Variants in RAB2A observed in about 807,000 individuals in gnomAD.
RAB2A encodes the protein RAB2A, member RAS oncogene family.
RAB2A carries 7 observed loss-of-function variants against 32.5 expected under a neutral mutation model. That is an observed-to-expected ratio of 0.22 (90% CI 0.12 to 0.40). The LOEUF (loss-of-function observed/expected upper bound fraction) is 0.40, where lower values mean the gene tolerates loss of function less well. Among genes scored for constraint, RAB2A ranks in the 10% least tolerant of loss-of-function variants. The probability of loss-of-function intolerance (pLI) is 1.00; values close to 1 mark genes in which losing one functional copy is unlikely to be tolerated. For synonymous variants in RAB2A, 79 were observed against 85.2 expected, an observed-to-expected ratio of 0.93 and a Z score of 0.40; for missense variants, 108 against 260.7, an observed-to-expected ratio of 0.41 and a Z score of 4.03.
chr8:60,523,835 C>T (rs1253846734), intron 1 of RAB2A, among the ~76,000 whole-genome samples: 2 of 151,960 alleles, frequency 1.3e-5, no homozygotes, highest in South Asian at 2.1e-4. Flanking sequence ...GGACTACAGG[C>T]GCCCATGACC....
At position 60,621,899 on chromosome 8, in the gene RAB2A, GTAAT is replaced by G. The variant is rs1804535212; in HGVS notation, c.*1132_*1135del. On this transcript the variant is annotated 3_prime_UTR_variant, in exon 8 of 8. Transcript: ENST00000262646. ...CCTGTTACAAAGTAGAAAAGCTTTA[GTAAT>G]TTACTCAGTGTGGTGGTTTTATCCT... is the stretch of plus-strand genomic sequence containing the variant. 5 of 152,142 alleles carry G rather than the reference GTAAT, an allele frequency of 3.3e-5. No homozygotes were observed. The highest frequency in any genetic ancestry group is 5.9e-5 in the Non-Finnish European group (4 of 68,020). The allele number at this position is 152,142 out of a possible 1,614,324, so 9.4% of individuals were successfully genotyped here.
At chr8:60,569,376 G>T (rs1017702378) in intron 2 of RAB2A, among the ~76,000 whole-genome samples, 1 of 152,092 alleles carries the variant, frequency 6.6e-6, no homozygotes, top group Non-Finnish European at 1.5e-5. Context: ...ATTGTATTAT[G>T]ACATATTCCT....
At chr8:60,555,312 A>G (rs2130828368) in intron 1 of RAB2A, among the ~76,000 whole-genome samples, 1 of 152,338 alleles carries the variant, frequency 6.6e-6, no homozygotes, top group South Asian at 2.1e-4. Context: ...CAAGGCAAAG[A>G]TATTATGGAT....
At chr8:60,602,956 A>C (rs529902226) in intron 6 of RAB2A, among the ~76,000 whole-genome samples, 1 of 152,304 alleles carries the variant, frequency 6.6e-6, no homozygotes, top group South Asian at 2.1e-4. Context: ...ATCTATCCTC[A>C]GCTTGCTCTC....
intron 6 of RAB2A, among the ~76,000 whole-genome samples, chr8:60,608,492 T>TCCTTCTTCCTCG (rs1443380820): frequency 2.8e-5 from 2 of 71,498 alleles, no homozygotes; most frequent in African/African-American, 1.8e-4. Flanking sequence ...CCTCTTCCTC[T>TCCTTCTTCCTCG]CCTTCTTCCT....
chr8:60,545,826 G>A (rs1461611595), intron 1 of RAB2A, among the ~76,000 whole-genome samples: 1 of 152,094 alleles, frequency 6.6e-6, no homozygotes, highest in Non-Finnish European at 1.5e-5. Context: ...AAAAAACAAT[G>A]TTTTGCACAT....
Position 60,610,909 on chromosome 8 carries a change from A to G in RAB2A, c.475-7671A>G, listed in dbSNP as rs143761965. 3.2e-3 allele frequency among the ~76,000 whole-genome samples: 495 copies of G among 152,348 alleles called. 2 individuals are homozygous for G. Among genetic ancestry groups the G allele is most frequent in the African/African-American group, 0.011 (461 of 41,584 alleles). On this transcript the variant is annotated intron_variant, in intron 6 of 7. Transcript: ENST00000262646. ...GAGTTTCCCACTTGTACGATGTATT[A>G]GAATTCCACGTGTCTAAAAGAAATT...
rs1804424625 is a variant in RAB2A at position 60,614,942 on chromosome 8, A to G, written c.475-3638A>G. On this transcript the variant is annotated intron_variant, in intron 6 of 7. Coordinates refer to ENST00000262646, the MANE Select transcript of RAB2A (RefSeq NM_002865.3). ...ACATGGGGAAGCAGGAGGACCACCA[A>G]ATTCAGTTGGCTGCAGAGAAATCTG... 3.9e-5 allele frequency among the ~76,000 whole-genome samples: 6 copies of G among 152,336 alleles called. No homozygotes were observed. In the South Asian group the frequency reaches 1.2e-3, roughly 32 times the overall value.
At chr8:60,569,934 C>G (rs1279172366) in intron 2 of RAB2A, 1 of 455,718 alleles carries the variant, frequency 2.2e-6, no homozygotes. Context: ...AAGTTGGAAA[C>G]TTGGTCTTGG....
At chr8:60,528,587 T>C (rs1807427530) in intron 1 of RAB2A, among the ~76,000 whole-genome samples, 1 of 152,190 alleles carries the variant, frequency 6.6e-6, no homozygotes, top group South Asian at 2.1e-4. Flanking sequence ...TTCTAATTGT[T>C]TTTTTTCCTA....
At chr8:60,616,269 G>A (rs569689024) in intron 6 of RAB2A, among the ~76,000 whole-genome samples, 2 of 152,120 alleles carry the variant, frequency 1.3e-5, no homozygotes, top group African/African-American at 4.8e-5. Context: ...ATTACCAGAC[G>A]GGCAAAAAGG....
At chr8:60,574,664 T>C (rs1808243282) in intron 3 of RAB2A, among the ~76,000 whole-genome samples, 1 of 152,246 alleles carries the variant, frequency 6.6e-6, no homozygotes, top group African/African-American at 2.4e-5. Context: ...GTTGTCTGTT[T>C]TGTAGATTAA....
chr8:60,582,637 C>T (rs1279231993), intron 3 of RAB2A, among the ~76,000 whole-genome samples: 1 of 152,208 alleles, frequency 6.6e-6, no homozygotes, highest in East Asian at 1.9e-4. Context: ...CCTCCTACCT[C>T]AGCCTCCCAA....
chr8:60,540,561 C>T (rs534771792), intron 1 of RAB2A, among the ~76,000 whole-genome samples: 9 of 152,232 alleles, frequency 5.9e-5, no homozygotes, highest in Non-Finnish European at 1.2e-4. Context: ...CTCACTGCAA[C>T]TTCTGCCTCA....
chr8:60,564,267 C>G (rs1334889420), intron 2 of RAB2A, among the ~76,000 whole-genome samples: 2 of 152,182 alleles, frequency 1.3e-5, no homozygotes, highest in Admixed American at 1.3e-4. Context: ...CACCTACCTG[C>G]ATTGTGCCCT....
chr8:60,562,887 C>T (rs1318566138), intron 2 of RAB2A, among the ~76,000 whole-genome samples: 1 of 152,042 alleles, frequency 6.6e-6, no homozygotes, highest in Non-Finnish European at 1.5e-5. Flanking sequence ...TTCAGTACCA[C>T]CATTCATTCA....
At chr8:60,544,179 C>T (rs1351995409) in intron 1 of RAB2A, among the ~76,000 whole-genome samples, 2 of 150,774 alleles carry the variant, frequency 1.3e-5, no homozygotes, top group East Asian at 3.9e-4. Flanking sequence ...GCAGCCTCCG[C>T]CTCCTGGATT....
At chr8:60,550,672 C>G (rs1394182362) in intron 1 of RAB2A, among the ~76,000 whole-genome samples, 4 of 152,166 alleles carry the variant, frequency 2.6e-5, no homozygotes, top group African/African-American at 9.7e-5. Flanking sequence ...GCATGAGCCA[C>G]CACACCTGCC....
chr8:60,565,133 A>G (rs777537410), intron 2 of RAB2A, among the ~76,000 whole-genome samples: 3 of 152,232 alleles, frequency 2.0e-5, no homozygotes, highest in Non-Finnish European at 2.9e-5. Flanking sequence ...CAGTCAGCCT[A>G]TAAGAAATGA....
Sources: gnomAD v4.1 joint callset for allele counts (sites outside exome capture counted in the v4.1 genomes callset) on GRCh38, gnomAD v4.1.1 for gene constraint, MANE v1.5 for transcripts, NCBI Gene and HGNC (gene_info 2026-07-23, HGNC 2026-07-21) for gene names.